CDC42BPB: variants seen among roughly 807,000 people sequenced by gnomAD.
CDC42BPB encodes the protein serine/threonine-protein kinase MRCK beta.
A neutral mutation model predicts 214.9 loss-of-function variants in CDC42BPB; 37 were observed. The ratio of observed to expected loss-of-function variants is 0.17; its 90% CI spans 0.13 to 0.23. The LOEUF is 0.23. Among genes scored for constraint, CDC42BPB ranks in the 10% least tolerant of loss-of-function variants. CDC42BPB has a pLI of 1.00. For missense variants in CDC42BPB, 1,694 were observed against 2,227.0 expected (o/e 0.76, Z 4.82); for synonymous variants, 931 against 884.0 (o/e 1.05, Z -0.94).
At chr14:102,968,782 A>T (rs1893339513) in intron 14 of CDC42BPB, 66 bp from the exon 15 acceptor site, 1 of 1,583,296 alleles carries the variant, frequency 6.3e-7, no homozygotes. Flanking sequence ...TGTCCTTTCA[A>T]CCCCTTTCAT....
At chr14:102,952,108 G>A (rs1892516863) in intron 24 of CDC42BPB, among the ~76,000 whole-genome samples, 1 of 152,076 alleles carries the variant, frequency 6.6e-6, no homozygotes, top group African/African-American at 2.4e-5. Flanking sequence ...AGCACTTCGG[G>A]AGGCTAAGGC....
chr14:102,988,010 C>T lies in CDC42BPB; in HGVS notation c.597-1430G>A, dbSNP rs556523564. ...ACACACGTACACACACAAACACACA[C>T]GCACGCACTAGACAAAAGCATGCAG... On this transcript the variant is annotated intron_variant, in intron 5 of 36. Transcript: ENST00000361246. 1.7e-4 allele frequency among the ~76,000 whole-genome samples: 26 copies of T among 152,104 alleles called. 1 individual carries two copies. Among genetic ancestry groups the T allele is most frequent in the African/African-American group, 5.1e-4 (21 of 41,482 alleles).
rs1886202820 is a variant in CDC42BPB at position 103,012,303 on chromosome 14, T to C, written c.176-115A>G. On this transcript the variant is annotated intron_variant, in intron 1 of 36. Coordinates refer to ENST00000361246, the MANE Select transcript of CDC42BPB (RefSeq NM_006035.4). ...ACTTTTAAAAAAGTTTGTTTGAAAATATTTAATATCTGACATGTTTTGGAA... is the reference window on the plus strand; with the variant it reads ...ACTTTTAAAAAAGTTTGTTTGAAAACATTTAATATCTGACATGTTTTGGAA... 9 of 1,468,324 alleles carry C rather than the reference T, an allele frequency of 6.1e-6. No homozygotes were observed. The East Asian group carries it at 2.2e-4, about 37-fold the overall frequency. The allele number at this position is 1,468,324 out of a possible 1,614,324, so 91.0% of individuals were successfully genotyped here.
At chr14:102,937,409 T>C (rs1341202617) in intron 36 of CDC42BPB, among the ~76,000 whole-genome samples, 1 of 152,246 alleles carries the variant, frequency 6.6e-6, no homozygotes, top group East Asian at 1.9e-4. Context: ...GTGCAAGGCA[T>C]CTGCCCGTCC....
chr14:102,947,911 T>C, intron 26 of CDC42BPB, 109 bp from the exon 27 acceptor site: 1 of 1,578,946 alleles, frequency 6.3e-7, no homozygotes. Context: ...CACCGTGTTC[T>C]GCAGTGGAGG....
rs900088888 is a variant in CDC42BPB, at chr14:102,983,838, G to A, written c.691-82C>T. 133 of 1,502,826 alleles carry A rather than the reference G, an allele frequency of 8.8e-5. 1 individual carries two copies. The highest frequency in any genetic ancestry group is 5.6e-4 in the South Asian group (44 of 78,602). 93.1% of individuals were successfully genotyped at this position (1,502,826 alleles called of 1,614,324 possible). A position where few individuals can be genotyped will look rare whatever the true frequency, so the allele number is the denominator to read the frequency against. On this transcript the variant is annotated intron_variant, in intron 6 of 36. Transcript: ENST00000361246. ...CCAACTACTTTCTCTAAAATATAGC[G>A]GAGGCAGAAAATGAAATAATCATAG...
chr14:102,964,484 G>C lies in CDC42BPB; in HGVS notation c.2726+18C>G. 1 of 1,612,276 alleles carries C rather than the reference G, an allele frequency of 6.2e-7. No homozygotes were observed. Among genetic ancestry groups the C allele is most frequent in the Non-Finnish European group, 8.5e-7 (1 of 1,179,560 alleles). On this transcript the variant is annotated intron_variant, in intron 19 of 36. Transcript: ENST00000361246. ...CAGCCACTGCTCCTACCTGGAGTCA[G>C]ACCCTGGCACCAAGTACCTTTCCAA...
intron 1 of CDC42BPB, among the ~76,000 whole-genome samples, chr14:103,014,057 T>A (rs1489555801): frequency 6.6e-6 from 1 of 151,638 alleles, no homozygotes; most frequent in African/African-American, 2.4e-5. Flanking sequence ...TCCCAGTTAC[T>A]CGCGAGGCTG....
chr14:103,026,978 C>G lies in CDC42BPB; in HGVS notation c.176-14790G>C, dbSNP rs2139690850. 2.0e-5 allele frequency among the ~76,000 whole-genome samples: 3 copies of G among 152,184 alleles called. No homozygotes were observed. In the South Asian group the frequency reaches 6.2e-4, roughly 32 times the overall value. On this transcript the variant is annotated intron_variant, in intron 1 of 36. Transcript: ENST00000361246. ...CAGAATACACAAAAAGCTCTCCCAA[C>G]TCACTCATAAAGACAAATATCCCAA...
intron 18 of CDC42BPB, among the ~76,000 whole-genome samples, chr14:102,965,953 G>A (rs1429992155): frequency 3.9e-5 from 6 of 152,244 alleles, no homozygotes; most frequent in South Asian, 2.1e-4. Flanking sequence ...TGAGACTGTC[G>A]CGGGAGGAAA....
chr14:103,040,527 C>T (rs1282434564), intron 1 of CDC42BPB, among the ~76,000 whole-genome samples: 2 of 151,996 alleles, frequency 1.3e-5, no homozygotes, highest in Admixed American at 6.6e-5. Context: ...GGCGTGATCT[C>T]GACTCACTGC....
At chr14:103,050,762 GA>G (rs201264388) in intron 1 of CDC42BPB, among the ~76,000 whole-genome samples, 11,414 of 146,500 alleles carry the variant, frequency 0.078, 693 homozygotes, top group Admixed American at 0.16. Flanking sequence ...GTCTTGGGGG[GA>G]AAAAAAAAAA....
chr14:102,964,918 TTTTCTTTTC>T, intron 18 of CDC42BPB: 1 of 376,312 alleles, frequency 2.7e-6, no homozygotes, highest in Non-Finnish European at 3.7e-6. Flanking sequence ...ATTTCTTTTC[TTTTCTTTTC>T]TTTTTTTTTT....
chr14:102,985,359 A>G (rs1394152847), intron 6 of CDC42BPB, among the ~76,000 whole-genome samples: 7 of 149,302 alleles, frequency 4.7e-5, no homozygotes, highest in Admixed American at 4.0e-4. Context: ...GGAGGTGAGG[A>G]GGGTAACCCA....
chr14:102,939,812 G>A lies in CDC42BPB; in HGVS notation c.4709+18C>T, dbSNP rs373428218. The A allele has an allele frequency of 9.3e-6, 15 of 1,613,852 alleles. No homozygotes were observed. The highest frequency in any genetic ancestry group is 4.0e-5 in the African/African-American group (3 of 74,936). ...CCTAGAGCGAGGCCCAGCAGGCCCC[G>A]TGAGGCCCCGCTCCTACCGCCTCTG... On this transcript the variant is annotated intron_variant, in intron 33 of 36. Transcript: ENST00000361246.
In CDC42BPB at chr14:102,938,353, C is replaced by T. The variant is rs771256532; in HGVS notation, c.4886G>A (p.Arg1629His). Reference sequence around the variant, plus strand: ...GGGCTTGTTCCTGGATGGAGGCTGGCGAGCCAGGTTGGTGGGAGCGGGGCC... The same window carrying T: ...GGGCTTGTTCCTGGATGGAGGCTGGTGAGCCAGGTTGGTGGGAGCGGGGCC... ...RPGPAPTNLA[R>H]QPPSRNKPYI... Residue 1629 changes from arginine (R) to histidine (H), a missense_variant, in exon 35 of 37, where the codon CGC (arginine) becomes CAC (histidine). By Grantham distance (29) the Arg-to-His change is conservative (BLOSUM62 0). Coordinates refer to ENST00000361246, the MANE Select transcript of CDC42BPB (RefSeq NM_006035.4). The T allele has an allele frequency of 8.8e-6, 14 of 1,594,398 alleles. No homozygotes were observed. The highest frequency in any genetic ancestry group is 3.5e-5 in the Admixed American group (2 of 57,190).
At chr14:102,946,170 A>G (rs1308854961) in intron 28 of CDC42BPB, among the ~76,000 whole-genome samples, 11 of 151,592 alleles carry the variant, frequency 7.3e-5, no homozygotes, top group East Asian at 1.9e-4. Context: ...CACCACGCCC[A>G]GCTATATTTT....
chr14:103,053,934 A>G (rs1712849107), intron 1 of CDC42BPB, among the ~76,000 whole-genome samples: 2 of 152,014 alleles, frequency 1.3e-5, no homozygotes, highest in Non-Finnish European at 1.5e-5. Context: ...TTGACCTCCC[A>G]GGCTCAAGTG....
chr14:102,974,096 G>GC lies in CDC42BPB; in HGVS notation c.1560dup (p.Arg521AlafsTer2). On this transcript the variant is annotated frameshift_variant, in exon 12 of 37. Transcript: ENST00000361246. LOFTEE classifies it high-confidence loss of function. ...CGCAGCCGCTGCGTGGAGTCCTCAC[G>GC]CTCTTGGCGAAGCGCCACTGTGTCC... 6.2e-7 allele frequency: 1 copy of GC among 1,614,060 alleles called. No homozygotes were observed. Among genetic ancestry groups the GC allele is most frequent in the Non-Finnish European group, 8.5e-7 (1 of 1,179,986 alleles).
Sources: gnomAD v4.1 joint callset for allele counts (sites outside exome capture counted in the v4.1 genomes callset) on GRCh38, gnomAD v4.1.1 for gene constraint, MANE v1.5 for transcripts, NCBI Gene and HGNC (gene_info 2026-07-23, HGNC 2026-07-21) for gene names.